The following KLHL29 variants were observed in gnomAD, a reference collection of about 807,000 sequenced individuals.
The protein encoded by KLHL29 is kelch like family member 29.
KLHL29 carries 21 observed loss-of-function variants against 80.4 expected under a neutral mutation model. The ratio of observed to expected loss-of-function variants is 0.26; its 90% CI spans 0.19 to 0.38. The LOEUF (loss-of-function observed/expected upper bound fraction) is 0.38. KLHL29 is among the 10% of genes least tolerant of loss of function. The probability of loss-of-function intolerance (pLI) is 1.00; values close to 1 mark genes in which losing one functional copy is unlikely to be tolerated. For missense variants in KLHL29, 867 were observed against 1,223.9 expected (o/e 0.71, Z 4.35); for synonymous variants, 511 against 526.8 (o/e 0.97, Z 0.41).
chr2:23,582,610 G>A (rs559115085), intron 3 of KLHL29, among the ~76,000 whole-genome samples: 1 of 152,162 alleles, frequency 6.6e-6, no homozygotes. Context: ...GGTTGCCTAG[G>A]CTTTGTGTTC....
At chr2:23,655,232 C>G (rs4665235) in intron 5 of KLHL29, among the ~76,000 whole-genome samples, 121,910 of 152,136 alleles carry the variant, frequency 0.8, 51,934 homozygotes, top group East Asian at 0.99. Flanking sequence ...GGGAGTCCTT[C>G]CTGTTGCTGC....
intron 2 of KLHL29, among the ~76,000 whole-genome samples, chr2:23,545,546 G>T (rs911250398): frequency 6.6e-6 from 1 of 152,234 alleles, no homozygotes; most frequent in Admixed American, 6.5e-5. Context: ...GCAGAGCTCA[G>T]GGGTGTGGAG....
intron 3 of KLHL29, among the ~76,000 whole-genome samples, chr2:23,636,044 A>G (rs559806963): frequency 1.3e-5 from 2 of 152,124 alleles, no homozygotes; most frequent in Non-Finnish European, 2.9e-5. Context: ...AAGAGTTAGC[A>G]GGAGCTGGGC....
chr2:23,447,451 T>C (rs949963511), intron 1 of KLHL29, among the ~76,000 whole-genome samples: 11 of 152,218 alleles, frequency 7.2e-5, no homozygotes, highest in African/African-American at 2.7e-4. Flanking sequence ...GCTTCCTGCT[T>C]CATCAATGCC....
At chr2:23,578,863 C>T (rs1667910907) in intron 3 of KLHL29, among the ~76,000 whole-genome samples, 2 of 152,228 alleles carry the variant, frequency 1.3e-5, no homozygotes, top group Non-Finnish European at 2.9e-5. Flanking sequence ...GGCAATAGTA[C>T]TCAACAGTCT....
intron 2 of KLHL29, among the ~76,000 whole-genome samples, chr2:23,490,041 A>AGATC (rs1558357434): frequency 6.6e-6 from 1 of 152,246 alleles, no homozygotes; most frequent in African/African-American, 2.4e-5. Flanking sequence ...TTGAATGGAA[A>AGATC]GATCATTCAC....
chr2:23,572,803 C>A (rs1391550819), intron 3 of KLHL29, among the ~76,000 whole-genome samples: 1 of 151,952 alleles, frequency 6.6e-6, no homozygotes, highest in Non-Finnish European at 1.5e-5. Context: ...CGGGTTCACA[C>A]CATTCTTCTG....
intron 1 of KLHL29, among the ~76,000 whole-genome samples, chr2:23,406,844 T>A (rs1447890769): frequency 1.3e-5 from 2 of 152,220 alleles, no homozygotes; most frequent in African/African-American, 4.8e-5. Flanking sequence ...CTCTTTAAAA[T>A]TATGTAACTT....
chr2:23,413,583 T>C (rs1666915319), intron 1 of KLHL29, among the ~76,000 whole-genome samples: 1 of 152,222 alleles, frequency 6.6e-6, no homozygotes, highest in Admixed American at 6.5e-5. Context: ...AATGCCAAAA[T>C]GAGTCTCCAC....
intron 3 of KLHL29, among the ~76,000 whole-genome samples, chr2:23,631,793 G>A (rs940623156): frequency 6.6e-6 from 1 of 152,156 alleles, no homozygotes; most frequent in African/African-American, 2.4e-5. Flanking sequence ...CTGAAACCTA[G>A]GCTCAGAACA....
intron 1 of KLHL29, among the ~76,000 whole-genome samples, chr2:23,468,607 A>C (rs973806512): frequency 3.9e-5 from 6 of 152,048 alleles, no homozygotes; most frequent in African/African-American, 1.5e-4. Context: ...TCCAGACCCT[A>C]GGAGTGAGCT....
intron 2 of KLHL29, among the ~76,000 whole-genome samples, chr2:23,535,471 A>G (rs1666633226): frequency 6.6e-6 from 1 of 152,250 alleles, no homozygotes; most frequent in Non-Finnish European, 1.5e-5. Flanking sequence ...CATTATTCAC[A>G]ATAGCCAAAA....
At chr2:23,475,362 A>G (rs1339151879) in intron 1 of KLHL29, among the ~76,000 whole-genome samples, 198 bp from the exon 2 acceptor site, 3 of 96,208 alleles carry the variant, frequency 3.1e-5, no homozygotes, top group Admixed American at 1.1e-4. Context: ...GAGTTTGTGC[A>G]CAGCCTGTGT....
Position 23,385,257 on chromosome 2 carries a change from C to T in KLHL29, c.-677C>T, listed in dbSNP as rs1666141827. The T allele has an allele frequency of 6.8e-6, 1 of 147,812 alleles. No individual in the cohort carries two copies. The highest frequency in any genetic ancestry group is 1.8e-4 in the South Asian group (1 of 5,640). 9.2% of individuals were successfully genotyped at this position (147,812 alleles called of 1,614,324 possible). A position where few individuals can be genotyped will look rare whatever the true frequency, so the allele number is the denominator to read the frequency against. ...GCCGCGCCAGCCCCCGCGCCGCCGCCGCCGTCCCCGCCACCGCGGATCTCG... is the reference window on the plus strand; with the variant it reads ...GCCGCGCCAGCCCCCGCGCCGCCGCTGCCGTCCCCGCCACCGCGGATCTCG... On this transcript the variant is annotated 5_prime_UTR_variant, in exon 1 of 14. Coordinates refer to ENST00000486442, the MANE Select transcript of KLHL29 (RefSeq NM_052920.2).
At chr2:23,693,561 C>G in intron 8 of KLHL29, 33 bp downstream of exon 8, 1 of 1,535,408 alleles carries the variant, frequency 6.5e-7, no homozygotes, top group Non-Finnish European at 8.8e-7. Flanking sequence ...CCCCTTCTCT[C>G]TGGGTTTGGG....
chr2:23,411,008 G>T (rs1467462640), intron 1 of KLHL29, among the ~76,000 whole-genome samples: 2 of 151,956 alleles, frequency 1.3e-5, no homozygotes, highest in East Asian at 1.9e-4. Flanking sequence ...CAAATACCTT[G>T]CCCCTTAAAT....
At chr2:23,685,241 C>CT (rs112566403) in intron 6 of KLHL29, 139,665 of 148,476 alleles carry the variant, frequency 0.94, 65,701 homozygotes, top group East Asian at 0.99. Flanking sequence ...GCATGAGCAT[C>CT]TTTTTTTTTT....
chr2:23,627,990 C>T (rs1669363561), intron 3 of KLHL29, among the ~76,000 whole-genome samples: 3 of 151,292 alleles, frequency 2.0e-5, no homozygotes, highest in Admixed American at 1.3e-4. Flanking sequence ...TCACCGCAAC[C>T]TCCGCTTCCC....
In KLHL29 at chr2:23,438,480, G is replaced by A. The variant is rs1022671176; in HGVS notation, c.-153-37080G>A. 2.4e-4 allele frequency among the ~76,000 whole-genome samples: 34 copies of A among 140,324 alleles called. 1 individual carries two copies. The highest frequency in any genetic ancestry group is 4.2e-4 in the Admixed American group (6 of 14,172). The allele number at this position is 140,324 out of a possible 152,430, so 92.1% of individuals were successfully genotyped here. On this transcript the variant is annotated intron_variant, in intron 1 of 13. Transcript: ENST00000486442. The stretch of plus-strand genomic sequence containing the variant: ...GATAGCTCTTATTATTTTGAGATAC[G>A]TCCCATCAATACCTAATTTATTGAG...
Sources: gnomAD v4.1 joint callset for allele counts (sites outside exome capture counted in the v4.1 genomes callset) on GRCh38, gnomAD v4.1.1 for gene constraint, MANE v1.5 for transcripts, NCBI Gene and HGNC (gene_info 2026-07-23, HGNC 2026-07-21) for gene names.